CHST11: variants seen among roughly 807,000 people sequenced by gnomAD.
CHST11 encodes the protein C4S-1.
A neutral mutation model predicts 30.4 loss-of-function variants in CHST11; 9 were observed. The ratio of observed to expected loss-of-function variants is 0.30; its 90% CI spans 0.18 to 0.52. The LOEUF is 0.52. Ranked by LOEUF, CHST11 falls within the 20% of genes least tolerant of loss-of-function variation. The pLI, the probability that CHST11 is intolerant of heterozygous loss-of-function variation, is 0.97. For missense variants in CHST11, 348 were observed against 460.6 expected, an observed-to-expected ratio of 0.76 and a Z score of 2.24; for synonymous variants, 152 against 187.8, an observed-to-expected ratio of 0.81 and a Z score of 1.56.
intron 2 of CHST11, among the ~76,000 whole-genome samples, chr12:104,704,973 G>A (rs1038562731): frequency 2.6e-5 from 4 of 152,094 alleles, no homozygotes; most frequent in South Asian, 4.1e-4. Flanking sequence ...TTTATGTTCC[G>A]TATGCCTTAG....
At chr12:104,737,196 C>T (rs1024722656) in intron 2 of CHST11, among the ~76,000 whole-genome samples, 2 of 152,260 alleles carry the variant, frequency 1.3e-5, no homozygotes, top group African/African-American at 4.8e-5. Flanking sequence ...CCAGAAGCCA[C>T]GTAGATCTGG....
chr12:104,559,354 C>T (rs1270132785), intron 1 of CHST11, among the ~76,000 whole-genome samples: 1 of 152,242 alleles, frequency 6.6e-6, no homozygotes, highest in Non-Finnish European at 1.5e-5. Context: ...CTACTATGTG[C>T]CAGCCTTCAT....
chr12:104,594,472 C>T (rs979158275), intron 1 of CHST11, among the ~76,000 whole-genome samples: 10 of 152,124 alleles, frequency 6.6e-5, no homozygotes, highest in Admixed American at 4.6e-4. Context: ...TTTATGAGAA[C>T]GGTTTAGGAT....
At chr12:104,692,234 C>T (rs917608028) in intron 2 of CHST11, among the ~76,000 whole-genome samples, 1 of 152,212 alleles carries the variant, frequency 6.6e-6, no homozygotes, top group African/African-American at 2.4e-5. Flanking sequence ...AGCCCACGAG[C>T]ACAGCTGCTC....
At chr12:104,578,996 A>G (rs1338575176) in intron 1 of CHST11, among the ~76,000 whole-genome samples, 1 of 152,236 alleles carries the variant, frequency 6.6e-6, no homozygotes, top group Admixed American at 6.5e-5. Context: ...CAAAGTAGCA[A>G]CAAAAAGCAA....
intron 2 of CHST11, among the ~76,000 whole-genome samples, chr12:104,725,408 C>T (rs1000244818): frequency 6.6e-6 from 1 of 152,148 alleles, no homozygotes. Flanking sequence ...TCGAGTGAGT[C>T]AGTTCACCTC....
intron 2 of CHST11, among the ~76,000 whole-genome samples, chr12:104,606,913 C>A (rs546564912): frequency 6.6e-6 from 1 of 152,042 alleles, no homozygotes; most frequent in East Asian, 1.9e-4. Flanking sequence ...ACCAAAAATA[C>A]AAAAATTCGC....
chr12:104,543,280 A>G (rs1207143521), intron 1 of CHST11, among the ~76,000 whole-genome samples: 1 of 152,242 alleles, frequency 6.6e-6, no homozygotes, highest in Admixed American at 6.5e-5. Flanking sequence ...TTGAGGTATC[A>G]GCCTCCATGA....
intron 1 of CHST11, among the ~76,000 whole-genome samples, chr12:104,547,145 G>A (rs1283308098): frequency 6.6e-6 from 1 of 152,228 alleles, no homozygotes; most frequent in Non-Finnish European, 1.5e-5. Context: ...GGAATTTTCT[G>A]TGATAGGGGA....
At chr12:104,624,250 A>G (rs1366596011) in intron 2 of CHST11, among the ~76,000 whole-genome samples, 1 of 152,204 alleles carries the variant, frequency 6.6e-6, no homozygotes, top group Non-Finnish European at 1.5e-5. Context: ...CATAATCGGC[A>G]GGAGAAGAAA....
chr12:104,490,251 A>T lies in CHST11; in HGVS notation c.118+32722A>T, dbSNP rs536613394. On this transcript the variant is annotated intron_variant, in intron 1 of 2. Transcript: ENST00000303694. The stretch of plus-strand genomic sequence containing the variant: ...AAATCACACATCTTGAACAGCCCTC[A>T]TTCGTTATACTAACTTTCCCACCCT... 4.6e-5 allele frequency among the ~76,000 whole-genome samples: 7 copies of T among 152,320 alleles called. No homozygotes were observed. The South Asian group carries it at 1.0e-3, about 23-fold the overall frequency.
intron 1 of CHST11, among the ~76,000 whole-genome samples, chr12:104,569,809 T>C (rs2038606239): frequency 6.6e-6 from 1 of 152,232 alleles, no homozygotes; most frequent in Admixed American, 6.5e-5. Context: ...CATGCTGCAC[T>C]GGGAGTCCCC....
intron 2 of CHST11, among the ~76,000 whole-genome samples, chr12:104,744,539 G>A (rs1033596242): frequency 9.2e-5 from 14 of 152,002 alleles, no homozygotes; most frequent in East Asian, 3.9e-4. Flanking sequence ...ATTTCCTCCC[G>A]TTCTGTTATT....
intron 2 of CHST11, among the ~76,000 whole-genome samples, chr12:104,709,100 C>T (rs750003188): frequency 6.6e-5 from 10 of 152,182 alleles, no homozygotes; most frequent in Non-Finnish European, 1.2e-4. Context: ...GCCTTCAGAG[C>T]AAGACAAAGC....
chr12:104,675,273 A>G (rs1178250783), intron 2 of CHST11, among the ~76,000 whole-genome samples: 1 of 152,250 alleles, frequency 6.6e-6, no homozygotes, highest in Non-Finnish European at 1.5e-5. Flanking sequence ...TTAAGGACCT[A>G]TAATTGACAG....
rs1339639400 is a variant in CHST11 at position 104,458,876 on chromosome 12, C to T, written c.118+1347C>T. 6.6e-6 allele frequency among the ~76,000 whole-genome samples: 1 copy of T among 152,254 alleles called. No individual in the cohort carries two copies. The highest frequency in any genetic ancestry group is 1.5e-5 in the Non-Finnish European group (1 of 68,046). ...TAAACAGACGCAGTCCCGAATTCAT[C>T]AAGCCTGCGTTTGGGTCGATGGCAG... On this transcript the variant is annotated intron_variant, in intron 1 of 2. Transcript: ENST00000303694. The surrounding 1 kb of genome is among the most constrained non-coding windows in gnomAD (Gnocchi z 5.7).
At chr12:104,552,801 C>T (rs903534847) in intron 1 of CHST11, 5 of 152,262 alleles carry the variant, frequency 3.3e-5, no homozygotes, top group Admixed American at 2.0e-4. Context: ...AGGAGTTCTG[C>T]GAGAACAAAG....
chr12:104,690,597 G>A (rs1414866109), intron 2 of CHST11, among the ~76,000 whole-genome samples: 1 of 152,180 alleles, frequency 6.6e-6, no homozygotes, highest in Non-Finnish European at 1.5e-5. Flanking sequence ...AGGCCGAGGA[G>A]GGTGGATCAC....
intron 2 of CHST11, among the ~76,000 whole-genome samples, chr12:104,702,191 T>C (rs1181922108): frequency 6.6e-6 from 1 of 152,242 alleles, no homozygotes; most frequent in East Asian, 1.9e-4. Context: ...AAATCCTCCA[T>C]TGCCCATTTC....
Sources: allele counts gnomAD v4.1 joint callset (sites outside exome capture counted in the v4.1 genomes callset), GRCh38; gene constraint gnomAD v4.1.1; non-coding constraint Gnocchi (gnomAD v3.1); transcripts MANE v1.5; gene names NCBI Gene and HGNC (gene_info 2026-07-23, HGNC 2026-07-21).